Variants in CCDC85A observed in about 807,000 individuals in gnomAD.
CCDC85A encodes the protein coiled-coil domain containing 85A.
CCDC85A carries 38 observed loss-of-function variants against 50.2 expected under a neutral mutation model. The ratio of observed to expected loss-of-function variants is 0.76; its 90% CI spans 0.58 to 0.99. The LOEUF (loss-of-function observed/expected upper bound fraction) is 0.99, where lower values mean the gene tolerates loss of function less well. Ranked by LOEUF, CCDC85A falls within the 50% of genes least tolerant of loss-of-function variation. The pLI is 0.00. For missense variants in CCDC85A, 820 were observed against 742.0 expected, an observed-to-expected ratio of 1.11 and a Z score of -1.22; for synonymous variants, 366 against 301.4, an observed-to-expected ratio of 1.21 and a Z score of -2.22.
At chr2:56,336,187 C>G (rs1431851568) in intron 2 of CCDC85A, among the ~76,000 whole-genome samples, 1 of 152,004 alleles carries the variant, frequency 6.6e-6, no homozygotes, top group Non-Finnish European at 1.5e-5. Flanking sequence ...GAGTTTCACT[C>G]TTGTCCCCCC....
intron 2 of CCDC85A, among the ~76,000 whole-genome samples, chr2:56,234,687 T>A (rs1668928461): frequency 6.6e-6 from 1 of 152,156 alleles, no homozygotes; most frequent in South Asian, 2.1e-4. Context: ...ATGTGCATGT[T>A]CTCCAGAGCC....
In CCDC85A at chr2:56,206,553, G is replaced by A. The variant is rs116356590; in HGVS notation, c.1240+13113G>A. On this transcript the variant is annotated intron_variant, in intron 2 of 5. Transcript: ENST00000407595. ...GGCACAAGACAGCAAGCAAGCAAGAGGGGGCCAAACTTGCTTTTATAACAG... is the reference window on the plus strand; with the variant it reads ...GGCACAAGACAGCAAGCAAGCAAGAAGGGGCCAAACTTGCTTTTATAACAG... 4.8e-3 allele frequency among the ~76,000 whole-genome samples: 727 copies of A among 152,180 alleles called. 4 individuals carry two copies. The highest frequency in any genetic ancestry group is 0.017 in the African/African-American group (703 of 41,518).
intron 2 of CCDC85A, among the ~76,000 whole-genome samples, chr2:56,245,259 G>A (rs974495349): frequency 2.4e-4 from 36 of 152,216 alleles, no homozygotes; most frequent in African/African-American, 8.4e-4. Context: ...GCTGGGATGG[G>A]TGATTCCCTT....
At chr2:56,350,945 G>T (rs529006672) in intron 3 of CCDC85A, among the ~76,000 whole-genome samples, 1 of 146,852 alleles carries the variant, frequency 6.8e-6, no homozygotes, top group South Asian at 2.2e-4. Context: ...CTGGTGTGCT[G>T]CACCCATTAA....
At chr2:56,197,540 C>T (rs1339594675) in intron 2 of CCDC85A, among the ~76,000 whole-genome samples, 3 of 152,174 alleles carry the variant, frequency 2.0e-5, no homozygotes, top group Non-Finnish European at 4.4e-5. Context: ...TGGCACTGGA[C>T]TTGGGCACTT....
chr2:56,376,267 G>T (rs145678851), intron 5 of CCDC85A, among the ~76,000 whole-genome samples: 17 of 152,240 alleles, frequency 1.1e-4, no homozygotes, highest in African/African-American at 3.4e-4. Context: ...TGTTTGTAGC[G>T]TGGATGTCTT....
chr2:56,226,439 C>T (rs1259883594), intron 2 of CCDC85A, among the ~76,000 whole-genome samples: 5 of 152,150 alleles, frequency 3.3e-5, no homozygotes, highest in Non-Finnish European at 4.4e-5. Context: ...ACTGAAAGCA[C>T]TTACCACAAT....
chr2:56,248,047 C>T (rs182856141), intron 2 of CCDC85A, among the ~76,000 whole-genome samples: 1 of 152,320 alleles, frequency 6.6e-6, no homozygotes, highest in Non-Finnish European at 1.5e-5. Flanking sequence ...CTTTATCTTT[C>T]TCTCTCACTG....
intron 2 of CCDC85A, among the ~76,000 whole-genome samples, chr2:56,283,256 C>T (rs750467728): frequency 6.6e-6 from 1 of 152,108 alleles, no homozygotes; most frequent in Non-Finnish European, 1.5e-5. Context: ...TGTTACTTGT[C>T]ACTTTTTGTA....
chr2:56,372,289 G>C, intron 3 of CCDC85A, 55 bp from the exon 4 acceptor site: 1 of 1,441,936 alleles, frequency 6.9e-7, no homozygotes, highest in East Asian at 2.6e-5. Context: ...GCTTTCTTGA[G>C]ACTTGGGAAA....
intron 2 of CCDC85A, among the ~76,000 whole-genome samples, chr2:56,205,890 A>G (rs976185603): frequency 3.3e-5 from 5 of 152,154 alleles, no homozygotes; most frequent in Admixed American, 1.3e-4. Context: ...AGAATTAGCA[A>G]TTGGTGCTGT....
rs148541822 is a variant in CCDC85A at position 56,187,997 on chromosome 2, A to G, written c.276+3097A>G. Among the ~76,000 whole-genome samples the G allele has an allele frequency of 1.6e-3, 242 of 152,382 alleles. 1 individual carries two copies. The highest frequency in any genetic ancestry group is 5.5e-3 in the African/African-American group (228 of 41,596). ...CCACCCTGCTCTGCAGTGAAGCAAA[A>G]TAACAAATTAAAACAATTATTTAAC... On this transcript the variant is annotated intron_variant, in intron 1 of 5. Transcript: ENST00000407595.
chr2:56,263,945 G>A (rs1177994513), intron 2 of CCDC85A, among the ~76,000 whole-genome samples: 1 of 152,180 alleles, frequency 6.6e-6, no homozygotes, highest in Non-Finnish European at 1.5e-5. Flanking sequence ...CACACTGGAA[G>A]AAGAAGAATT....
chr2:56,193,069 C>A lies in CCDC85A; in HGVS notation c.869C>A (p.Pro290His). Residue 290 changes from proline to histidine, a missense_variant, in exon 2 of 6, where the codon CCC becomes CAC. By Grantham distance (77) the Pro-to-His change is moderately conservative. Coordinates refer to ENST00000407595, the MANE Select transcript of CCDC85A (RefSeq NM_001080433.2). ...CACAAACCCTTGTGCAAGGGCAGCC[C>A]CGAACAGCAAAGGCACCCGCATCCA... ...EHHKPLCKGSPEQQRHPHPGS... is the reference protein window; with the variant it reads ...EHHKPLCKGSHEQQRHPHPGS... 1 of 1,613,904 alleles carries A rather than the reference C, an allele frequency of 6.2e-7. No homozygotes were observed. Among genetic ancestry groups the A allele is most frequent in the South Asian group, 1.1e-5 (1 of 91,072 alleles).
chr2:56,315,940 A>G (rs1672902407), intron 2 of CCDC85A, among the ~76,000 whole-genome samples: 1 of 152,120 alleles, frequency 6.6e-6, no homozygotes, highest in Admixed American at 6.6e-5. Flanking sequence ...AGAATAACTG[A>G]GGGAGCAACT....
At chr2:56,358,044 A>C (rs1675325343) in intron 3 of CCDC85A, among the ~76,000 whole-genome samples, 1 of 152,206 alleles carries the variant, frequency 6.6e-6, no homozygotes, top group African/African-American at 2.4e-5. Flanking sequence ...GTTTGTGTCC[A>C]GATTTTCTGT....
chr2:56,383,567 T>C, intron 5 of CCDC85A: 1 of 984,592 alleles, frequency 1.0e-6, no homozygotes, highest in Non-Finnish European at 1.2e-6. Context: ...TTTCAGTGAT[T>C]CTTGAATTTA....
At chr2:56,263,188 C>T (rs1670292617) in intron 2 of CCDC85A, among the ~76,000 whole-genome samples, 1 of 152,252 alleles carries the variant, frequency 6.6e-6, no homozygotes, top group East Asian at 1.9e-4. Context: ...GAAAAGAGCC[C>T]AGCACCCTTA....
chr2:56,290,506 T>G (rs116824989), intron 2 of CCDC85A, among the ~76,000 whole-genome samples: 72 of 152,344 alleles, frequency 4.7e-4, no homozygotes, highest in African/African-American at 1.7e-3. Flanking sequence ...TTTTGCTGTT[T>G]CACTGTTTCA....
Sources: allele counts gnomAD v4.1 joint callset (sites outside exome capture counted in the v4.1 genomes callset), GRCh38; gene constraint gnomAD v4.1.1; transcripts MANE v1.5; gene names NCBI Gene and HGNC (gene_info 2026-07-23, HGNC 2026-07-21).